MAPK14: variants seen among roughly 807,000 people sequenced by gnomAD.
The protein encoded by MAPK14 is mitogen-activated protein kinase 14, also known as CSAID-binding protein.
A neutral mutation model predicts 49.6 loss-of-function variants in MAPK14; 16 were observed. The observed-to-expected ratio is 0.32, with a 90% confidence interval of 0.22 to 0.49. The LOEUF (loss-of-function observed/expected upper bound fraction) is 0.49. MAPK14 is among the 20% of genes least tolerant of loss of function. The probability of loss-of-function intolerance (pLI) is 0.99; values close to 1 mark genes in which losing one functional copy is unlikely to be tolerated. For synonymous variants in MAPK14, 142 were observed against 158.0 expected, an observed-to-expected ratio of 0.90 and a Z score of 0.76; for missense variants, 200 against 441.2, an observed-to-expected ratio of 0.45 and a Z score of 4.90.
intron 8 of MAPK14, among the ~76,000 whole-genome samples, chr6:36,077,886 C>T (rs1764595033): frequency 6.6e-6 from 1 of 152,154 alleles, no homozygotes; most frequent in Non-Finnish European, 1.5e-5. Context: ...AGGGAAAATT[C>T]ATACTTCCCC....
At chr6:36,072,204 G>C (rs1048105405) in intron 3 of MAPK14, among the ~76,000 whole-genome samples, 2 of 152,054 alleles carry the variant, frequency 1.3e-5, no homozygotes, top group African/African-American at 4.8e-5. Context: ...TGTGCGTGGT[G>C]GTGCACACCT....
intron 3 of MAPK14, among the ~76,000 whole-genome samples, chr6:36,059,986 G>A (rs1763746954): frequency 6.6e-6 from 1 of 152,230 alleles, no homozygotes; most frequent in African/African-American, 2.4e-5. Context: ...TACCTGTTGA[G>A]AAAGGCTTCT....
chr6:36,088,363 A>T (rs1765074167), intron 8 of MAPK14, among the ~76,000 whole-genome samples: 1 of 152,190 alleles, frequency 6.6e-6, no homozygotes, highest in African/African-American at 2.4e-5. Context: ...TATCCATCTG[A>T]CAAAAGTCTA....
chr6:36,056,100 C>CT (rs1763581020), intron 2 of MAPK14, among the ~76,000 whole-genome samples: 2 of 151,704 alleles, frequency 1.3e-5, no homozygotes, highest in South Asian at 4.2e-4. Context: ...TTTCAGGTTA[C>CT]TTTATTTTTC....
intron 6 of MAPK14, 74 bp from the exon 7 acceptor site, chr6:36,075,774 G>T: frequency 6.2e-7 from 1 of 1,601,620 alleles, no homozygotes; most frequent in African/African-American, 1.3e-5. Flanking sequence ...TTTGTTTGTT[G>T]TTGTTGTTTT....
chr6:36,109,636 A>G lies in MAPK14; in HGVS notation c.*1189A>G, dbSNP rs1407508583. ...AGGTGGATGTATAGCATTTTTATTC[A>G]TGCCATCTGTTTTCAACCAACTATT... On this transcript the variant is annotated 3_prime_UTR_variant, in exon 12 of 12. Transcript: ENST00000229794. The G allele has an allele frequency of 6.6e-6, 1 of 152,628 alleles. No homozygotes were observed. The highest frequency in any genetic ancestry group is 1.5e-5 in the Non-Finnish European group (1 of 68,022). The allele number at this position is 152,628 out of a possible 1,614,324, so 9.5% of individuals were successfully genotyped here. A position where few individuals can be genotyped will look rare whatever the true frequency, so the allele number is the denominator to read the frequency against.
chr6:36,032,074 A>G (rs940205234), intron 1 of MAPK14, among the ~76,000 whole-genome samples: 5 of 152,062 alleles, frequency 3.3e-5, no homozygotes, highest in Non-Finnish European at 2.9e-5. Context: ...GAGCCACCAC[A>G]CCCAGCCCCT....
intron 2 of MAPK14, among the ~76,000 whole-genome samples, chr6:36,058,119 T>C (rs1019389716): frequency 6.6e-6 from 1 of 152,040 alleles, no homozygotes; most frequent in Non-Finnish European, 1.5e-5. Flanking sequence ...TTTATCCCTG[T>C]GTAAAAATAG....
At chr6:36,053,324 A>G (rs1240088418) in intron 2 of MAPK14, among the ~76,000 whole-genome samples, 1 of 151,094 alleles carries the variant, frequency 6.6e-6, no homozygotes, top group Non-Finnish European at 1.5e-5. Context: ...AGAGATGGCT[A>G]TTATTTTATA....
At chr6:36,094,101 A>G (rs1370643149) in intron 8 of MAPK14, among the ~76,000 whole-genome samples, 1 of 152,198 alleles carries the variant, frequency 6.6e-6, no homozygotes, top group Non-Finnish European at 1.5e-5. Context: ...AACATATGCT[A>G]TAAGATTTTT....
At chr6:36,038,202 C>T (rs1762825023) in intron 1 of MAPK14, among the ~76,000 whole-genome samples, 1 of 152,014 alleles carries the variant, frequency 6.6e-6, no homozygotes, top group Non-Finnish European at 1.5e-5. Flanking sequence ...AACAATTGAG[C>T]AAAAACCTGA....
chr6:36,110,855 T>C lies in MAPK14; in HGVS notation c.*2408T>C, dbSNP rs1581862801. The C allele has an allele frequency of 1.3e-5, 2 of 152,390 alleles. No individual in the cohort carries two copies. The highest frequency in any genetic ancestry group is 3.8e-4 in the East Asian group (2 of 5,196). 9.4% of individuals were successfully genotyped at this position (152,390 alleles called of 1,614,324 possible). On this transcript the variant is annotated 3_prime_UTR_variant, in exon 12 of 12. Coordinates refer to ENST00000229794, the MANE Select transcript of MAPK14 (RefSeq NM_139012.3). ...TCCTTTAAACTGTGACCTGGCATAC[T>C]TGTCTGACAGATCTTAATACTACTC...
rs975216614 is a variant in MAPK14, at chr6:36,096,127, A to T, written c.762+61A>T. On this transcript the variant is annotated intron_variant, in intron 9 of 11. Coordinates refer to ENST00000229794, the MANE Select transcript of MAPK14 (RefSeq NM_139012.3). The stretch of plus-strand genomic sequence containing the variant: ...GAGCCTCTGCCACTTGCCTTCTACC[A>T]ATCTGTACTTTGACCTGGGTGTGTT... 2.6e-6 allele frequency: 3 copies of T among 1,171,102 alleles called. No individual in the cohort carries two copies. The African/African-American group carries it at 4.6e-5, about 18-fold the overall frequency. The allele number at this position is 1,171,102 out of a possible 1,614,324, so 72.5% of individuals were successfully genotyped here. A position where few individuals can be genotyped will look rare whatever the true frequency, so the allele number is the denominator to read the frequency against.
At chr6:36,034,206 C>T (rs771931358) in intron 1 of MAPK14, among the ~76,000 whole-genome samples, 9 of 152,164 alleles carry the variant, frequency 5.9e-5, no homozygotes, top group Non-Finnish European at 1.2e-4. Flanking sequence ...CCATTTAACC[C>T]ATTAGAGTCA....
At chr6:36,062,100 C>T (rs1042519613) in intron 3 of MAPK14, among the ~76,000 whole-genome samples, 3 of 152,254 alleles carry the variant, frequency 2.0e-5, no homozygotes, top group Middle Eastern at 3.4e-3. Flanking sequence ...CCTCAGTCCC[C>T]CAAGTAGCTG....
At chr6:36,117,198 T>A in the MAPK14 span, among the ~76,000 whole-genome samples, 1 of 152,180 alleles carries the variant, frequency 6.6e-6, no homozygotes, top group African/African-American at 2.4e-5. Flanking sequence ...GGGATAGAAA[T>A]GCACCTCCAG....
At chr6:36,036,733 A>AATT (rs1554171488) in intron 1 of MAPK14, among the ~76,000 whole-genome samples, 1 of 151,734 alleles carries the variant, frequency 6.6e-6, no homozygotes, top group East Asian at 2.0e-4. Flanking sequence ...TAGCAAAAAA[A>AATT]TATTTATTTA....
chr6:36,089,930 C>T (rs1419662716), intron 8 of MAPK14, among the ~76,000 whole-genome samples: 1 of 152,204 alleles, frequency 6.6e-6, no homozygotes, highest in Admixed American at 6.5e-5. Context: ...CGTTTTTCTA[C>T]CAGAGATCAC....
intron 11 of MAPK14, 55 bp from the exon 12 acceptor site, chr6:36,108,325 C>T: frequency 7.4e-7 from 1 of 1,352,390 alleles, no homozygotes. Context: ...GAGTGCTTGC[C>T]AGCAAAGAGA....
Sources: gnomAD v4.1 joint callset for allele counts (sites outside exome capture counted in the v4.1 genomes callset) on GRCh38, gnomAD v4.1.1 for gene constraint, MANE v1.5 for transcripts, NCBI Gene and HGNC (gene_info 2026-07-23, HGNC 2026-07-21) for gene names.